PCDHA3: variants seen among roughly 807,000 people sequenced by gnomAD.
PCDHA3 encodes the protein protocadherin alpha 3.
In PCDHA3, 41 loss-of-function variants were observed where a neutral mutation model predicts 62.2. The observed-to-expected ratio is 0.66, with a 90% confidence interval of 0.51 to 0.86. The LOEUF (loss-of-function observed/expected upper bound fraction) is 0.86. Among genes scored for constraint, PCDHA3 ranks in the 40% least tolerant of loss-of-function variants. PCDHA3 has a pLI of 0.00. For missense variants in PCDHA3, 1,304 were observed against 1,241.2 expected, an observed-to-expected ratio of 1.05 and a Z score of -0.76; for synonymous variants, 640 against 555.4, an observed-to-expected ratio of 1.15 and a Z score of -2.14.
Position 140,802,372 on chromosome 5 carries a change from A to G in PCDHA3, c.1175A>G (p.His392Arg), listed in dbSNP as rs782096760. 4.3e-6 allele frequency: 7 copies of G among 1,614,222 alleles called. No homozygotes were observed. Among genetic ancestry groups the G allele is most frequent in the Non-Finnish European group, 5.9e-6 (7 of 1,180,028 alleles). ...NGQVTCSLTP[H>R]VPFKLVSTFK... is the part of the protein sequence containing the mutation. ...CAGGTCACCTGCTCGCTGACGCCCC[A>G]CGTCCCCTTCAAGCTGGTGTCCACC... Residue 392 changes from histidine to arginine, a missense_variant, in exon 1 of 4, where the codon CAC (histidine) becomes CGC (arginine). Coordinates refer to ENST00000522353, the MANE Select transcript of PCDHA3 (RefSeq NM_018906.3).
chr5:140,835,947 C>T, intron 1 of PCDHA3: 1 of 1,612,740 alleles, frequency 6.2e-7, no homozygotes, highest in Non-Finnish European at 8.5e-7. Context: ...CGCGCTGCAG[C>T]CGTTGGACCA....
chr5:140,812,159 G>T (rs1765050158), intron 1 of PCDHA3: 1 of 151,474 alleles, frequency 6.6e-6, no homozygotes, highest in South Asian at 2.1e-4. Flanking sequence ...TGTTGTTGTT[G>T]TTGTTAGGAG....
chr5:140,877,195 G>A, intron 1 of PCDHA3: 2 of 1,613,838 alleles, frequency 1.2e-6, no homozygotes, highest in East Asian at 2.2e-5. Context: ...CAGCGCAGGA[G>A]GCGCAGTTAG....
At chr5:140,805,154 A>T in intron 1 of PCDHA3, 1 of 1,559,526 alleles carries the variant, frequency 6.4e-7, no homozygotes, top group Admixed American at 1.8e-5. Context: ...TGGAATTTTC[A>T]CTTCACAGAT....
chr5:140,801,293 C>T lies in PCDHA3; in HGVS notation c.96C>T (p.His32=), dbSNP rs1762674825. 6.2e-7 allele frequency: 1 copy of T among 1,613,524 alleles called. No individual in the cohort carries two copies. The highest frequency in any genetic ancestry group is 8.5e-7 in the Non-Finnish European group (1 of 1,179,922). Residue 32 remains histidine, a synonymous_variant, in exon 1 of 4, where the codon CAC becomes CAT. Transcript: ENST00000522353. ...CGGAGGTGGGGAGCGGCCAGCTCCA[C>T]TACTCCGTCTCTGAGGAGGCCAAGC... The part of the protein sequence containing the change: ...AASEVGSGQL[H]YSVSEEAKHG...
Position 140,891,839 on chromosome 5 carries a change from T to C in PCDHA3, c.2395-87110T>C, listed in dbSNP as rs10074902. Among the ~76,000 whole-genome samples, 663 of 152,284 alleles carry C rather than the reference T, an allele frequency of 4.4e-3. 7 individuals carry two copies. The highest frequency in any genetic ancestry group is 0.015 in the African/African-American group (618 of 41,564). On this transcript the variant is annotated intron_variant, in intron 1 of 3. Coordinates refer to ENST00000522353, the MANE Select transcript of PCDHA3 (RefSeq NM_018906.3). ...TTAACGGCACTGTAAAAGGACTTGA[T>C]GGAAGGAGCCTGTCCCTCTCTTATG...
At chr5:141,000,052 C>G (rs945182675) in intron 3 of PCDHA3, among the ~76,000 whole-genome samples, 2 of 152,100 alleles carry the variant, frequency 1.3e-5, no homozygotes, top group Admixed American at 1.3e-4. Flanking sequence ...CACCACTCTC[C>G]CAGCTGCTCT....
At position 140,957,153 on chromosome 5, in the gene PCDHA3, A is replaced by G. The variant is rs988889035; in HGVS notation, c.2395-21796A>G. Among the ~76,000 whole-genome samples, 121 of 152,268 alleles carry G rather than the reference A, an allele frequency of 7.9e-4. 1 individual carries two copies. Among genetic ancestry groups the G allele is most frequent in the East Asian group, 3.9e-4 (2 of 5,186 alleles). On this transcript the variant is annotated intron_variant, in intron 1 of 3. Transcript: ENST00000522353. Reference sequence around the variant, plus strand: ...ACACTATGAACTAAAAATTTTGGAGACAAATCTAAGTATATAAATTGGTTT... The same window carrying G: ...ACACTATGAACTAAAAATTTTGGAGGCAAATCTAAGTATATAAATTGGTTT...
intron 1 of PCDHA3, among the ~76,000 whole-genome samples, chr5:140,950,864 A>G (rs1014752748): frequency 1.3e-5 from 2 of 151,930 alleles, no homozygotes; most frequent in Non-Finnish European, 2.9e-5. Context: ...ATTCTTGTAT[A>G]TTCTATATTG....
intron 1 of PCDHA3, chr5:140,841,245 G>A (rs1483817095): frequency 1.3e-6 from 2 of 1,501,446 alleles, no homozygotes; most frequent in Non-Finnish European, 1.8e-6. Context: ...AGCGGAATTG[G>A]ATTAAAAGAC....
chr5:140,917,334 G>GC (rs1563019411), intron 1 of PCDHA3, among the ~76,000 whole-genome samples: 1 of 147,630 alleles, frequency 6.8e-6, no homozygotes, highest in Non-Finnish European at 1.5e-5. Context: ...CGGGGGAGGG[G>GC]GGGGATGGTG....
At chr5:140,826,162 GT>G (rs1768831898) in intron 1 of PCDHA3, among the ~76,000 whole-genome samples, 1 of 152,122 alleles carries the variant, frequency 6.6e-6, no homozygotes, top group Non-Finnish European at 1.5e-5. Context: ...TTGAGAAATA[GT>G]TTTTGTCATT....
In PCDHA3 at chr5:140,989,027, CATT is replaced by C. The variant is rs1413017003; in HGVS notation, c.2542+6465_2542+6467del. The C allele has an allele frequency of 1.4e-4, 22 of 152,178 alleles. 1 individual carries two copies. The highest frequency in any genetic ancestry group is 1.4e-3 in the Admixed American group (22 of 15,274). The allele number at this position is 152,178 out of a possible 1,614,324, so 9.4% of individuals were successfully genotyped here. A position where few individuals can be genotyped will look rare whatever the true frequency, so the allele number is the denominator to read the frequency against. ...GACTTATTATAGTTTCTTCAGTTAT[CATT>C]GATTCCTTTAATATGCCAGCTACAT... On this transcript the variant is annotated intron_variant, in intron 3 of 3. Transcript: ENST00000522353.
chr5:140,841,586 C>T (rs1327577851), intron 1 of PCDHA3: 1 of 1,614,026 alleles, frequency 6.2e-7, no homozygotes, highest in Non-Finnish European at 8.5e-7. Flanking sequence ...TGTGAATTCT[C>T]GGATCGACCG....
Position 140,803,575 on chromosome 5 carries a change from T to C in PCDHA3, c.2378T>C (p.Val793Ala). ...AGAGAGGAGAAACAGGATGTGGACG[T>C]TGATCTCTCAGCCAAAGTGAGTAAT... ...RDREEKQDVD[V>A]DLSAKPRQPN... is the part of the protein sequence containing the mutation. Residue 793 changes from valine (V) to alanine (A), a missense_variant, in exon 1 of 4, where the codon GTT becomes GCT. By Grantham distance (64) the Val-to-Ala change is moderately conservative. Coordinates refer to ENST00000522353, the MANE Select transcript of PCDHA3 (RefSeq NM_018906.3). The C allele has an allele frequency of 6.2e-7, 1 of 1,614,252 alleles. No individual in the cohort carries two copies. The highest frequency in any genetic ancestry group is 1.1e-5 in the South Asian group (1 of 91,088).
At chr5:140,852,770 T>C in intron 1 of PCDHA3, 7 of 981,816 alleles carry the variant, frequency 7.1e-6, no homozygotes, top group Non-Finnish European at 8.6e-6. Flanking sequence ...TCTGATTATT[T>C]GATGTGAATA....
chr5:140,967,379 A>G (rs1554229509), intron 1 of PCDHA3: 2 of 1,608,268 alleles, frequency 1.2e-6, no homozygotes, highest in East Asian at 2.2e-5. Flanking sequence ...GGAGAACAGT[A>G]AAGTGCTTGA....
intron 1 of PCDHA3, chr5:140,882,412 C>A: frequency 6.2e-7 from 1 of 1,614,138 alleles, no homozygotes; most frequent in Non-Finnish European, 8.5e-7. Context: ...TGGGCCGCAT[C>A]GCTCAGGACC....
intron 1 of PCDHA3, among the ~76,000 whole-genome samples, chr5:140,973,301 A>C (rs1469183006): frequency 1.3e-5 from 2 of 152,034 alleles, no homozygotes; most frequent in Admixed American, 6.6e-5. Context: ...CTATCTGATG[A>C]CTCTATCCTG....
Sources: gnomAD v4.1 joint callset for allele counts (sites outside exome capture counted in the v4.1 genomes callset) on GRCh38, gnomAD v4.1.1 for gene constraint, MANE v1.5 for transcripts, NCBI Gene and HGNC (gene_info 2026-07-23, HGNC 2026-07-21) for gene names.